PPARGC1A: variants seen among roughly 807,000 people sequenced by gnomAD.
The protein encoded by PPARGC1A is peroxisome proliferator-activated receptor gamma coactivator 1-alpha.
In PPARGC1A, 25 loss-of-function variants were observed where a neutral mutation model predicts 88.7. That is an observed-to-expected ratio of 0.28 (90% CI 0.21 to 0.39). The LOEUF is 0.39. PPARGC1A is among the 10% of genes least tolerant of loss of function. The pLI, the probability that PPARGC1A is intolerant of heterozygous loss-of-function variation, is 1.00. For synonymous variants in PPARGC1A, 363 were observed against 355.6 expected (o/e 1.02, Z -0.24); for missense variants, 880 against 968.7 (o/e 0.91, Z 1.22).
the PPARGC1A span, among the ~76,000 whole-genome samples, chr4:24,431,329 G>T: frequency 6.6e-6 from 1 of 152,098 alleles, no homozygotes; most frequent in African/African-American, 2.4e-5. Context: ...ACATGTTTGG[G>T]TGATAGGAGG....
At chr4:23,851,226 T>C (rs1051476983) in intron 2 of PPARGC1A, among the ~76,000 whole-genome samples, 1 of 152,196 alleles carries the variant, frequency 6.6e-6, no homozygotes, top group Non-Finnish European at 1.5e-5. Flanking sequence ...CTAGGTAAAC[T>C]GCAGATTGCT....
chr4:23,811,123 C>T (rs1348818182), intron 10 of PPARGC1A, among the ~76,000 whole-genome samples: 1 of 152,118 alleles, frequency 6.6e-6, no homozygotes, highest in Non-Finnish European at 1.5e-5. Flanking sequence ...AAACTTTGAC[C>T]TAAGTGTTCA....
At chr4:24,085,068 A>G in the PPARGC1A span, among the ~76,000 whole-genome samples, 1 of 152,190 alleles carries the variant, frequency 6.6e-6, no homozygotes, top group Non-Finnish European at 1.5e-5. Context: ...AAGTAAACTC[A>G]AAATATGAAC....
chr4:24,183,806 C>A, the PPARGC1A span, among the ~76,000 whole-genome samples: 1 of 152,062 alleles, frequency 6.6e-6, no homozygotes, highest in Non-Finnish European at 1.5e-5. Context: ...GCTTTCCTCA[C>A]GGAAATTTTT....
At position 23,814,103 on chromosome 4, in the gene PPARGC1A, G is replaced by T. The variant is rs777545886; in HGVS notation, c.1380C>A (p.Ala460=). The change falls in exon 8 of 13, where the codon GCC becomes GCA. Residue 460 remains alanine (A), a synonymous_variant. Coordinates refer to ENST00000264867, the MANE Select transcript of PPARGC1A (RefSeq NM_013261.5). ...RKQLQDQEIR[A]ELNKHFGHPS... ...GATGACCGAAGTGCTTGTTCAGCTC[G>T]GCTCGGATTTCCTGGTCTTGGAGCT... is the stretch of plus-strand genomic sequence containing the variant. 1 of 1,614,008 alleles carries T rather than the reference G, an allele frequency of 6.2e-7. No homozygotes were observed.
chr4:23,884,453 T>C, intron 2 of PPARGC1A: 2 of 386,578 alleles, frequency 5.2e-6, no homozygotes, highest in Non-Finnish European at 9.1e-6. Context: ...TTTAGACTTT[T>C]GTTCTTCTTT....
chr4:24,253,219 GT>G, the PPARGC1A span, among the ~76,000 whole-genome samples: 1 of 152,082 alleles, frequency 6.6e-6, no homozygotes, highest in African/African-American at 2.4e-5. Context: ...TCAAGCAGCA[GT>G]TTTAAAACTT....
chr4:24,049,652 T>C, the PPARGC1A span, among the ~76,000 whole-genome samples: 1 of 152,126 alleles, frequency 6.6e-6, no homozygotes, highest in Non-Finnish European at 1.5e-5. Context: ...ACTATTTTCC[T>C]TTAACTTTGC....
At chr4:24,468,129 C>T in the PPARGC1A span, among the ~76,000 whole-genome samples, 2 of 152,154 alleles carry the variant, frequency 1.3e-5, no homozygotes, top group African/African-American at 4.8e-5. Context: ...ATAGTGACAG[C>T]TAATAAGGTG....
At chr4:24,305,375 T>C in the PPARGC1A span, among the ~76,000 whole-genome samples, 1 of 152,130 alleles carries the variant, frequency 6.6e-6, no homozygotes, top group Non-Finnish European at 1.5e-5. Flanking sequence ...ACTATCTGTG[T>C]GACTTTGGGC....
At chr4:24,176,271 C>A in the PPARGC1A span, among the ~76,000 whole-genome samples, 1 of 152,186 alleles carries the variant, frequency 6.6e-6, no homozygotes, top group African/African-American at 2.4e-5. Flanking sequence ...AGTGCTGCCC[C>A]CAAACAGAAT....
the PPARGC1A span, among the ~76,000 whole-genome samples, chr4:24,122,683 A>G: frequency 4.2e-3 from 637 of 152,240 alleles, 12 homozygotes; most frequent in East Asian, 0.07. Flanking sequence ...AGAGAGATGT[A>G]ATAAGTTGTT....
the PPARGC1A span, among the ~76,000 whole-genome samples, chr4:24,385,204 GAC>G: frequency 2.6e-5 from 4 of 152,246 alleles, no homozygotes; most frequent in East Asian, 7.7e-4. Flanking sequence ...TGAGAACAGA[GAC>G]ACAACGTACC....
chr4:24,202,400 G>A, the PPARGC1A span, among the ~76,000 whole-genome samples: 3 of 152,100 alleles, frequency 2.0e-5, no homozygotes, highest in Non-Finnish European at 4.4e-5. Flanking sequence ...CCCACTGAAC[G>A]TAACAGAGAG....
intron 10 of PPARGC1A, among the ~76,000 whole-genome samples, chr4:23,803,224 T>G (rs991026923): frequency 6.6e-6 from 1 of 152,104 alleles, no homozygotes; most frequent in Non-Finnish European, 1.5e-5. Flanking sequence ...AAAAAAAATG[T>G]AAGATAAGGT....
At chr4:24,417,170 C>T in the PPARGC1A span, among the ~76,000 whole-genome samples, 1 of 151,998 alleles carries the variant, frequency 6.6e-6, no homozygotes, top group Non-Finnish European at 1.5e-5. Flanking sequence ...ATCAGAGAAG[C>T]AGGGAGGAAA....
the PPARGC1A span, among the ~76,000 whole-genome samples, chr4:24,388,835 G>T: frequency 4.6e-5 from 7 of 152,082 alleles, no homozygotes; most frequent in Non-Finnish European, 1.0e-4. Flanking sequence ...GGGGGGCTAG[G>T]GGAGGGATAG....
chr4:24,190,392 G>C, the PPARGC1A span, among the ~76,000 whole-genome samples: 1 of 152,056 alleles, frequency 6.6e-6, no homozygotes, highest in African/African-American at 2.4e-5. Flanking sequence ...GCGGGTGCCT[G>C]TAGTCCCAGC....
At chr4:23,861,766 C>T (rs919348759) in intron 2 of PPARGC1A, among the ~76,000 whole-genome samples, 19 of 152,248 alleles carry the variant, frequency 1.2e-4, no homozygotes, top group African/African-American at 2.4e-4. Flanking sequence ...ATCACAGCTA[C>T]GTGCAATTTG....
Sources: gnomAD v4.1 joint callset for allele counts (sites outside exome capture counted in the v4.1 genomes callset) on GRCh38, gnomAD v4.1.1 for gene constraint, MANE v1.5 for transcripts, NCBI Gene and HGNC (gene_info 2026-07-23, HGNC 2026-07-21) for gene names.